Variants in JHY observed in about 807,000 individuals in gnomAD.
JHY encodes junctional cadherin complex regulator, also known as jhy protein homolog.
JHY carries 69 observed loss-of-function variants against 78.0 expected under a neutral mutation model. The ratio of observed to expected loss-of-function variants is 0.88; its 90% CI spans 0.73 to 1.08. The LOEUF is 1.08. Among genes scored for constraint, JHY ranks in the 50% least tolerant of loss-of-function variants. JHY has a pLI of 0.00. For synonymous variants in JHY, 368 were observed against 342.6 expected (o/e 1.07, Z -0.82); for missense variants, 944 against 927.8 (o/e 1.02, Z -0.23).
intron 4 of JHY, chr11:122,926,889 C>G (rs972233774): frequency 6.6e-6 from 1 of 152,212 alleles, no homozygotes; most frequent in African/African-American, 2.4e-5. Flanking sequence ...TGCTAGAATT[C>G]TATGACCATG....
chr11:122,900,901 C>T (rs1350194325), intron 2 of JHY, among the ~76,000 whole-genome samples: 1 of 152,122 alleles, frequency 6.6e-6, no homozygotes, highest in Admixed American at 6.5e-5. Context: ...AAGATAAAAC[C>T]GTGCTTTCCC....
intron 5 of JHY, among the ~76,000 whole-genome samples, chr11:122,941,223 A>G (rs74335848): frequency 0.011 from 1,602 of 152,300 alleles, 23 homozygotes; most frequent in African/African-American, 0.036. Context: ...TTCTAGACTC[A>G]AGATCTCAGC....
chr11:122,957,830 C>CACACACACACTT (rs1337027755), intron 8 of JHY, among the ~76,000 whole-genome samples: 2 of 151,730 alleles, frequency 1.3e-5, no homozygotes, highest in African/African-American at 4.8e-5. Flanking sequence ...CACACACACA[C>CACACACACACTT]ACTTTTGTAA....
intron 2 of JHY, among the ~76,000 whole-genome samples, chr11:122,892,478 A>G (rs1482474066): frequency 2.0e-5 from 3 of 151,922 alleles, no homozygotes; most frequent in African/African-American, 4.8e-5. Flanking sequence ...GCGTGCCACC[A>G]TGCCTGGCTA....
rs569475571 is a variant in JHY at position 122,960,781 on chromosome 11, T to A, written c.*1336T>A. ...TCCATCAAACAAATCCAGGATGCAA[T>A]TGATTTGGAGAAGTCGCAGCGCTCA... On this transcript the variant is annotated 3_prime_UTR_variant, in exon 9 of 9. Coordinates refer to ENST00000227349, the MANE Select transcript of JHY (RefSeq NM_024806.4). 1 of 499,134 alleles carries A rather than the reference T, an allele frequency of 2.0e-6. No individual in the cohort carries two copies. The highest frequency in any genetic ancestry group is 3.7e-5 in the East Asian group (1 of 27,194). 30.9% of individuals were successfully genotyped at this position (499,134 alleles called of 1,614,324 possible).
At chr11:122,919,376 A>AAAAAAAAG (rs60848354) in intron 3 of JHY, among the ~76,000 whole-genome samples, 2 of 136,916 alleles carry the variant, frequency 1.5e-5, no homozygotes, top group East Asian at 2.3e-4. Flanking sequence ...AAAAAAAAAA[A>AAAAAAAAG]GAAGTGAAGG....
At chr11:122,916,031 G>A (rs1448364475) in intron 3 of JHY, among the ~76,000 whole-genome samples, 2 of 151,956 alleles carry the variant, frequency 1.3e-5, no homozygotes, top group Non-Finnish European at 2.9e-5. Flanking sequence ...GGCTGGGAAG[G>A]GTCTCGGGGG....
intron 5 of JHY, among the ~76,000 whole-genome samples, chr11:122,940,161 A>C (rs1863843956): frequency 6.6e-6 from 1 of 152,068 alleles, no homozygotes; most frequent in African/African-American, 2.4e-5. Context: ...AACATGGTGA[A>C]ACTCCCACTC....
chr11:122,939,040 T>C (rs1308036287), intron 5 of JHY, among the ~76,000 whole-genome samples: 1 of 148,874 alleles, frequency 6.7e-6, no homozygotes, highest in African/African-American at 2.5e-5. Context: ...CAGGCTGGAG[T>C]GCAGTGGCAC....
At chr11:122,884,280 A>C (rs1214431065) in intron 1 of JHY, among the ~76,000 whole-genome samples, 2 of 152,204 alleles carry the variant, frequency 1.3e-5, no homozygotes, top group Non-Finnish European at 2.9e-5. Flanking sequence ...TGCTCCTTGC[A>C]AACATTAGCA....
chr11:122,886,080 G>A lies in JHY; in HGVS notation c.231G>A (p.Glu77=), dbSNP rs1862490196. 6.2e-7 allele frequency: 1 copy of A among 1,614,168 alleles called. No homozygotes were observed. Among genetic ancestry groups the A allele is most frequent in the Non-Finnish European group, 8.5e-7 (1 of 1,180,038 alleles). Residue 77 remains glutamate, a synonymous_variant, in exon 2 of 9, where the codon GAG becomes GAA. Transcript: ENST00000227349. ...TGGAGCCCGACAGCTTAGACGAGGA[G>A]GAAAGCCCTCGATGGGGAAGCCTGC... ...NGMEPDSLDE[E]ESPRWGSLHE... is the part of the protein sequence containing the mutation.
rs1864281057 is a variant in JHY at position 122,960,128 on chromosome 11, GGAGGCT to G, written c.*689_*694del. 1.3e-5 allele frequency among the ~76,000 whole-genome samples: 2 copies of G among 152,136 alleles called. No homozygotes were observed. The highest frequency in any genetic ancestry group is 1.3e-4 in the Admixed American group (2 of 15,276). On this transcript the variant is annotated 3_prime_UTR_variant, in exon 9 of 9. Coordinates refer to ENST00000227349, the MANE Select transcript of JHY (RefSeq NM_024806.4). ...GCATGTCTATAGTTCCAGGTACTCA[GGAGGCT>G]GAGGCACAAGAATTGCTTGAACCCG...
rs139745814 is a variant in JHY, at chr11:122,886,019, A to G, written c.170A>G (p.His57Arg). The G allele has an allele frequency of 4.3e-6, 7 of 1,614,208 alleles. No homozygotes were observed. The African/African-American group carries it at 9.3e-5, about 22-fold the overall frequency. ...AGCCTCACGCAAGAGATTATGTGCC[A>G]TTCTGAGTTTGATGATCGAATCCGG... Reference protein sequence around the residue: ...SESLTQEIMCHSEFDDRIRGN... With the variant: ...SESLTQEIMCRSEFDDRIRGN... The change falls in exon 2 of 9, where the codon CAT becomes CGT. Residue 57 changes from histidine (H) to arginine (R), a missense_variant. Physicochemically the swap from His to Arg is conservative, Grantham distance 29. Coordinates refer to ENST00000227349, the MANE Select transcript of JHY (RefSeq NM_024806.4).
At chr11:122,933,044 A>G (rs2135352902) in intron 4 of JHY, among the ~76,000 whole-genome samples, 1 of 152,332 alleles carries the variant, frequency 6.6e-6, no homozygotes, top group East Asian at 1.9e-4. Flanking sequence ...ATTGTGTATT[A>G]CTGTTTTAAA....
At chr11:122,901,257 G>A (rs1862852020) in intron 2 of JHY, among the ~76,000 whole-genome samples, 1 of 152,204 alleles carries the variant, frequency 6.6e-6, no homozygotes, top group African/African-American at 2.4e-5. Context: ...CACTCACCAT[G>A]AATGGAGGTT....
chr11:122,946,480 T>G lies in JHY; in HGVS notation c.1635-18T>G. 2.7e-6 allele frequency: 2 copies of G among 748,422 alleles called. No homozygotes were observed. Among genetic ancestry groups the G allele is most frequent in the Non-Finnish European group, 3.6e-6 (2 of 557,708 alleles). The allele number at this position is 748,422 out of a possible 1,614,324, so 46.4% of individuals were successfully genotyped here. On this transcript the variant is annotated intron_variant, in intron 5 of 8. Coordinates refer to ENST00000227349, the MANE Select transcript of JHY (RefSeq NM_024806.4). ...TGGATTTTATTAATAGATTTGTGCC[T>G]TTTTTTTTTTCATTAAGGAAATTCC...
In JHY at chr11:122,898,242, G is replaced by T. The variant is rs941653874; in HGVS notation, c.345-5683G>T. Among the ~76,000 whole-genome samples the T allele has an allele frequency of 6.6e-6, 1 of 152,240 alleles. No individual in the cohort carries two copies. The highest frequency in any genetic ancestry group is 1.5e-5 in the Non-Finnish European group (1 of 68,018). ...GCCTGTATGTAGGGAGGTGTTCCAT[G>T]CTTATCTGTTGACCGACTGATCCAT... is the stretch of plus-strand genomic sequence containing the variant. On this transcript the variant is annotated intron_variant, in intron 2 of 8. Transcript: ENST00000227349. The surrounding 1 kb of genome is among the most constrained non-coding windows in gnomAD (Gnocchi z 4.4).
At chr11:122,925,069 T>G (rs946005517) in intron 4 of JHY, 59 bp downstream of exon 4, 14 of 1,283,178 alleles carry the variant, frequency 1.1e-5, no homozygotes, top group African/African-American at 1.5e-5. Context: ...ATATAAGTAA[T>G]GATCGTGACT....
chr11:122,916,618 G>GT (rs764892319), intron 3 of JHY, among the ~76,000 whole-genome samples: 10 of 151,956 alleles, frequency 6.6e-5, no homozygotes, highest in Non-Finnish European at 1.3e-4. Flanking sequence ...TTGGTTTTTT[G>GT]TTTTTTGTTG....
Sources: allele counts gnomAD v4.1 joint callset (sites outside exome capture counted in the v4.1 genomes callset), GRCh38; gene constraint gnomAD v4.1.1; non-coding constraint Gnocchi (gnomAD v3.1); transcripts MANE v1.5; gene names NCBI Gene and HGNC (gene_info 2026-07-23, HGNC 2026-07-21).